CBX2: variants seen among roughly 807,000 people sequenced by gnomAD.
CBX2 encodes chromobox protein homolog 2.
In CBX2, 11 loss-of-function variants were observed where a neutral mutation model predicts 21.0. The ratio of observed to expected loss-of-function variants is 0.52; its 90% CI spans 0.33 to 0.87. The LOEUF (loss-of-function observed/expected upper bound fraction) is 0.87, where lower values mean the gene tolerates loss of function less well. Among genes scored for constraint, CBX2 ranks in the 40% least tolerant of loss-of-function variants. The pLI, the probability that CBX2 is intolerant of heterozygous loss-of-function variation, is 0.02. For synonymous variants in CBX2, 364 were observed against 304.6 expected (o/e 1.19, Z -2.03); for missense variants, 746 against 724.3 (o/e 1.03, Z -0.34).
rs781910960 is a variant in CBX2, at chr17:79,783,934, G to A, written c.491G>A (p.Arg164Gln). The A allele has an allele frequency of 2.7e-5, 44 of 1,613,856 alleles. No individual in the cohort carries two copies. Among genetic ancestry groups the A allele is most frequent in the South Asian group, 5.5e-5 (5 of 91,094 alleles). Residue 164 changes from arginine (R) to glutamine (Q), a missense_variant, in exon 5 of 5, where the codon CGG becomes CAG. Transcript: ENST00000310942. ...PELKDPIRKK[R>Q]GRKPLPPEQK... ...CTGAAGGATCCCATCCGGAAGAAGC[G>A]GGGACGAAAGCCCCTGCCCCCAGAG...
rs201075939 is a variant in CBX2 at position 79,784,435 on chromosome 17, A to G, written c.992A>G (p.His331Arg). Residue 331 changes from histidine (H) to arginine (R), a missense_variant, in exon 5 of 5, where the codon CAT (histidine) becomes CGT (arginine). Coordinates refer to ENST00000310942, the MANE Select transcript of CBX2 (RefSeq NM_005189.3). The surrounding 1 kb of genome is among the most constrained non-coding windows in gnomAD (Gnocchi z 5.9). ...VGNTGGPPHTHGASRVPAGCP... is the reference protein window; with the variant it reads ...VGNTGGPPHTRGASRVPAGCP... ...AACACAGGGGGCCCCCCGCACACCCATGGTGCCAGCAGGGTGCCTGCTGGG... is the reference window on the plus strand; with the variant it reads ...AACACAGGGGGCCCCCCGCACACCCGTGGTGCCAGCAGGGTGCCTGCTGGG... 312 of 1,611,952 alleles carry G rather than the reference A, an allele frequency of 1.9e-4. 2 individuals carry two copies. In the Middle Eastern group the frequency reaches 6.6e-3, roughly 34 times the overall value.
At chr17:79,782,152 G>T in intron 4 of CBX2, 1 of 1,612,782 alleles carries the variant, frequency 6.2e-7, no homozygotes, top group Non-Finnish European at 8.5e-7. Flanking sequence ...TACAGTAGGT[G>T]CTCATAGGAT....
chr17:79,779,161 G>A (rs1376466817), intron 2 of CBX2, among the ~76,000 whole-genome samples: 3 of 152,192 alleles, frequency 2.0e-5, no homozygotes, highest in African/African-American at 7.2e-5. Context: ...TTCCCTTTGG[G>A]TCTGAGGTTA....
chr17:79,781,853 G>A (rs201168057), intron 4 of CBX2, 52 bp downstream of exon 4: 95 of 1,614,058 alleles, frequency 5.9e-5, no homozygotes, highest in African/African-American at 2.7e-4. Context: ...CCCCCTTGGC[G>A]TAGGGGGCAG....
rs1907574567 is a variant in CBX2, at chr17:79,785,477, C to T, written c.*435C>T. The T allele has an allele frequency of 4.1e-6, 1 of 246,724 alleles. No homozygotes were observed. Among genetic ancestry groups the T allele is most frequent in the South Asian group, 5.6e-5 (1 of 17,966 alleles). The allele number at this position is 246,724 out of a possible 1,614,324, so 15.3% of individuals were successfully genotyped here. ...TGTCAGGAGGGGACTTCTGGCCCACCTTGCCTTCAGCCCTGGAGTGGGCAG... is the reference window on the plus strand; with the variant it reads ...TGTCAGGAGGGGACTTCTGGCCCACTTTGCCTTCAGCCCTGGAGTGGGCAG... On this transcript the variant is annotated 3_prime_UTR_variant, in exon 5 of 5. Transcript: ENST00000310942.
chr17:79,781,287 T>C (rs1265890692), intron 3 of CBX2, among the ~76,000 whole-genome samples: 1 of 152,176 alleles, frequency 6.6e-6, no homozygotes, highest in African/African-American at 2.4e-5. Flanking sequence ...GCCCAGGGGA[T>C]TGGTGGCATC....
chr17:79,779,306 G>C, intron 2 of CBX2, 56 bp from the exon 3 acceptor site: 1 of 1,574,658 alleles, frequency 6.4e-7, no homozygotes, highest in Non-Finnish European at 8.7e-7. Flanking sequence ...GGGCTGCCTT[G>C]CAAAGCGGTG....
chr17:79,781,707 A>T lies in CBX2; in HGVS notation c.194A>T (p.Lys65Met), dbSNP rs1555830260. 3.1e-6 allele frequency: 5 copies of T among 1,613,932 alleles called. No homozygotes were observed. Among genetic ancestry groups the T allele is most frequent in the Non-Finnish European group, 4.2e-6 (5 of 1,179,916 alleles). Residue 65 changes from lysine to methionine, a missense_variant, in exon 4 of 5, where the codon AAG (lysine) becomes ATG (methionine). By Grantham distance (95) the Lys-to-Met change is moderately conservative. Coordinates refer to ENST00000310942, the MANE Select transcript of CBX2 (RefSeq NM_005189.3). ...LLAFQKKEHEKEVQNRKRGKR... is the reference protein window; with the variant it reads ...LLAFQKKEHEMEVQNRKRGKR... ...TGGTGTGCCTTCAGGGAACATGAGA[A>T]GGAGGTGCAGAACCGGAAGAGAGGC...
In CBX2 at chr17:79,784,079, A is replaced by G. The variant is rs2145828779; in HGVS notation, c.636A>G (p.Ala212=). Residue 212 remains alanine (A), a synonymous_variant, in exon 5 of 5, where the codon GCA becomes GCG. Transcript: ENST00000310942. The surrounding 1 kb of genome is among the most constrained non-coding windows in gnomAD (Gnocchi z 5.9). ...TCAGCGCCCCCGTTGCAGGCCTGGC[A>G]GCTCTGAAGGCCCACGCCAAGGAGG... is the stretch of plus-strand genomic sequence containing the variant. ...PPLSAPVAGL[A]ALKAHAKEAC... 1 of 1,612,300 alleles carries G rather than the reference A, an allele frequency of 6.2e-7. No homozygotes were observed. Among genetic ancestry groups the G allele is most frequent in the East Asian group, 2.2e-5 (1 of 44,854 alleles).
rs781932409 is a variant in CBX2 at position 79,784,852 on chromosome 17, A to G, written c.1409A>G (p.Asp470Gly). 1.2e-6 allele frequency: 2 copies of G among 1,612,748 alleles called. No individual in the cohort carries two copies. Among genetic ancestry groups the G allele is most frequent in the Admixed American group, 1.7e-5 (1 of 59,962 alleles). Residue 470 changes from aspartate to glycine, a missense_variant, in exon 5 of 5, where the codon GAC becomes GGC. Around this residue, in one of 2 missense-constraint regions of CBX2, gnomAD observed 701 missense variants for 650.7 expected, o/e 1.08. Transcript: ENST00000310942. The surrounding 1 kb of genome is among the most constrained non-coding windows in gnomAD (Gnocchi z 5.9). Reference protein sequence around the residue: ...AGEESSSSDSDPDSASPPSTG... With the variant: ...AGEESSSSDSGPDSASPPSTG... ...GAGGAGAGTAGCAGCTCGGACTCCG[A>G]CCCCGACTCCGCCTCGCCGCCCAGC...
chr17:79,785,145 G>A lies in CBX2; in HGVS notation c.*103G>A. On this transcript the variant is annotated 3_prime_UTR_variant, in exon 5 of 5. Transcript: ENST00000310942. ...CAAGCCCCCTCAAGAGTCTGGGTCG[G>A]GGGAGGAGGAGTGGGTGGCCTCCTT... is the stretch of plus-strand genomic sequence containing the variant. The A allele has an allele frequency of 9.6e-7, 1 of 1,038,140 alleles. No individual in the cohort carries two copies. The highest frequency in any genetic ancestry group is 1.5e-6 in the Non-Finnish European group (1 of 686,340). 64.3% of individuals were successfully genotyped at this position (1,038,140 alleles called of 1,614,324 possible). A position where few individuals can be genotyped will look rare whatever the true frequency, so the allele number is the denominator to read the frequency against.
chr17:79,779,721 A>AT (rs531112487), intron 3 of CBX2: 129 of 465,764 alleles, frequency 2.8e-4, no homozygotes, highest in African/African-American at 2.4e-3. Flanking sequence ...GTTGCTTCAG[A>AT]TAAAGATGTT....
At chr17:79,781,376 A>G (rs948024119) in intron 3 of CBX2, among the ~76,000 whole-genome samples, 7 of 152,132 alleles carry the variant, frequency 4.6e-5, no homozygotes, top group Non-Finnish European at 8.8e-5. Context: ...TCTGGTTAGA[A>G]TATGCTAGAA....
chr17:79,785,253 C>G lies in CBX2; in HGVS notation c.*211C>G. On this transcript the variant is annotated 3_prime_UTR_variant, in exon 5 of 5. Coordinates refer to ENST00000310942, the MANE Select transcript of CBX2 (RefSeq NM_005189.3). ...CAGGGGGCCTCACTGCCTTGTTGGT[C>G]TCCACCTTGTTCCTACCTCTGCAGG... The G allele has an allele frequency of 1.6e-6, 1 of 606,992 alleles. No individual in the cohort carries two copies. The highest frequency in any genetic ancestry group is 2.8e-5 in the Admixed American group (1 of 35,516). 37.6% of individuals were successfully genotyped at this position (606,992 alleles called of 1,614,324 possible).
Position 79,778,536 on chromosome 17 carries a change from G to A in CBX2, c.116+109G>A, listed in dbSNP as rs997024288. 1.1e-5 allele frequency: 7 copies of A among 618,838 alleles called. No individual in the cohort carries two copies. The highest frequency in any genetic ancestry group is 8.9e-5 in the Admixed American group (2 of 22,476). 38.3% of individuals were successfully genotyped at this position (618,838 alleles called of 1,614,324 possible). A position where few individuals can be genotyped will look rare whatever the true frequency, so the allele number is the denominator to read the frequency against. ...TGGCCTGGGGGCGCCCGCGGGCAGA[G>A]CGGGAAGTTCGCGGGGTCCCCGCGG... On this transcript the variant is annotated intron_variant, in intron 2 of 4. Transcript: ENST00000310942. This position sits in a 1 kb window ranked among gnomAD's most constrained non-coding sequence, Gnocchi z 4.8.
chr17:79,781,105 C>T (rs975381136), intron 3 of CBX2, among the ~76,000 whole-genome samples: 2 of 152,096 alleles, frequency 1.3e-5, no homozygotes, highest in Non-Finnish European at 2.9e-5. Context: ...CCTTGCCTGC[C>T]TCAGACCTCG....
chr17:79,778,337 G>A lies in CBX2; in HGVS notation c.72+30G>A, dbSNP rs1906892281. ...GTGCGGCCCGCCGGGCCCCCCGCCCGCCGCCCGCTGTCCGTCTGGCTCACG... is the reference window on the plus strand; with the variant it reads ...GTGCGGCCCGCCGGGCCCCCCGCCCACCGCCCGCTGTCCGTCTGGCTCACG... On this transcript the variant is annotated intron_variant, in intron 1 of 4. Transcript: ENST00000310942. This position sits in a 1 kb window ranked among gnomAD's most constrained non-coding sequence, Gnocchi z 4.8. 6.4e-7 allele frequency: 1 copy of A among 1,568,468 alleles called. No homozygotes were observed.
Position 79,783,969 on chromosome 17 carries a change from A to G in CBX2, c.526A>G (p.Thr176Ala). 2 of 1,613,744 alleles carry G rather than the reference A, an allele frequency of 1.2e-6. No individual in the cohort carries two copies. Among genetic ancestry groups the G allele is most frequent in the Non-Finnish European group, 1.7e-6 (2 of 1,180,022 alleles). ...GCCCCTGCCCCCAGAGCAAAAGGCA[A>G]CCCGAAGACCCGTGAGCCTGGCCAA... ...RKPLPPEQKA[T>A]RRPVSLAKVL... Residue 176 changes from threonine to alanine, a missense_variant, in exon 5 of 5, where the codon ACC (threonine) becomes GCC (alanine). Thr to Ala is a moderately conservative substitution (Grantham distance 58). Coordinates refer to ENST00000310942, the MANE Select transcript of CBX2 (RefSeq NM_005189.3).
rs1555831026 is a variant in CBX2 at position 79,784,013 on chromosome 17, G to A, written c.570G>A (p.Arg190=). 1 of 1,613,152 alleles carries A rather than the reference G, an allele frequency of 6.2e-7. No individual in the cohort carries two copies. Among genetic ancestry groups the A allele is most frequent in the African/African-American group, 1.3e-5 (1 of 74,948 alleles). ...VSLAKVLKTA[R]KDLGAPASKL... ...TGGCCAAGGTGCTGAAGACCGCCCG[G>A]AAGGATCTGGGGGCCCCGGCCAGCA... is the stretch of plus-strand genomic sequence containing the variant. Residue 190 remains arginine (R), a synonymous_variant, in exon 5 of 5, where the codon CGG becomes CGA. Transcript: ENST00000310942. The surrounding 1 kb of genome is among the most constrained non-coding windows in gnomAD (Gnocchi z 5.9).
Sources: allele counts gnomAD v4.1 joint callset (sites outside exome capture counted in the v4.1 genomes callset), GRCh38; gene constraint gnomAD v4.1.1; regional missense constraint gnomAD v4.1.1; non-coding constraint Gnocchi (gnomAD v3.1); transcripts MANE v1.5; gene names NCBI Gene and HGNC (gene_info 2026-07-23, HGNC 2026-07-21).